The following PPM1E variants were observed in gnomAD, a reference collection of about 807,000 sequenced individuals.
PPM1E encodes protein phosphatase, Mg2+/Mn2+ dependent 1E.
Under a neutral mutation model 65.9 loss-of-function variants are expected in PPM1E, and 20 were observed. The observed-to-expected ratio is 0.30, with a 90% CI of 0.21 to 0.44. The LOEUF is 0.44. Among genes scored for constraint, PPM1E ranks in the 20% least tolerant of loss-of-function variants. The pLI, the probability that PPM1E is intolerant of heterozygous loss-of-function variation, is 1.00. For synonymous variants in PPM1E, 352 were observed against 374.9 expected (o/e 0.94, Z 0.70); for missense variants, 713 against 953.1 (o/e 0.75, Z 3.32).
chr17:58,775,811 G>A (rs1322070480), intron 1 of PPM1E, among the ~76,000 whole-genome samples: 1 of 150,128 alleles, frequency 6.7e-6, no homozygotes, highest in East Asian at 2.0e-4. Flanking sequence ...CTACTCGGGA[G>A]GCTGAGGCAG....
At chr17:58,918,805 C>CAAAAAAA (rs71143301) in intron 1 of PPM1E, among the ~76,000 whole-genome samples, 2 of 75,818 alleles carry the variant, frequency 2.6e-5, no homozygotes, top group East Asian at 4.7e-4. Context: ...GACTCCGTCT[C>CAAAAAAA]AAAAAAAAAA....
At chr17:58,768,897 G>A (rs1470818539) in intron 1 of PPM1E, among the ~76,000 whole-genome samples, 5 of 152,060 alleles carry the variant, frequency 3.3e-5, no homozygotes, top group Admixed American at 6.6e-5. Context: ...TTGGACTCCC[G>A]ACCTCAGGTG....
chr17:58,977,590 A>T (rs556095028), intron 6 of PPM1E, among the ~76,000 whole-genome samples: 3 of 152,256 alleles, frequency 2.0e-5, no homozygotes, highest in Non-Finnish European at 4.4e-5. Context: ...ATACTAACTC[A>T]GGTAATTATA....
chr17:58,814,115 A>C lies in PPM1E; in HGVS notation c.464+57654A>C, dbSNP rs1169582327. On this transcript the variant is annotated intron_variant, in intron 1 of 6. Transcript: ENST00000308249. ...TTCCAATAACATGCTAAAGAAGAAC[A>C]CAGGAAAAAGCAGTGAATATTGATT... 2.6e-5 allele frequency among the ~76,000 whole-genome samples: 4 copies of C among 152,240 alleles called. No homozygotes were observed. The East Asian group carries it at 7.7e-4, about 29-fold the overall frequency.
In PPM1E at chr17:58,972,121, A is replaced by T. The variant is rs752926395; in HGVS notation, c.973-11A>T. ...TTTCACTGAGTCTAGTTTTATTTAAACTGTTTTCAGAGCTTAAGATGTGGG... is the reference window on the plus strand; with the variant it reads ...TTTCACTGAGTCTAGTTTTATTTAATCTGTTTTCAGAGCTTAAGATGTGGG... On this transcript the variant is annotated splice_polypyrimidine_tract_variant and intron_variant, in intron 4 of 6. Coordinates refer to ENST00000308249, the MANE Select transcript of PPM1E (RefSeq NM_014906.5). 5.0e-6 allele frequency: 8 copies of T among 1,606,462 alleles called. No individual in the cohort carries two copies. The highest frequency in any genetic ancestry group is 6.0e-6 in the Non-Finnish European group (7 of 1,175,466).
chr17:58,851,788 A>G (rs1283181550), intron 1 of PPM1E, among the ~76,000 whole-genome samples: 3 of 152,138 alleles, frequency 2.0e-5, no homozygotes, highest in Non-Finnish European at 4.4e-5. Context: ...TGCTGGGAGA[A>G]CCACTACTCT....
At position 58,821,206 on chromosome 17, in the gene PPM1E, G is replaced by C. The variant is rs929740836; in HGVS notation, c.464+64745G>C. Reference sequence around the variant, plus strand: ...GCTCACTGCAAGCTCTGCCTCCCGGGTTCACGCCATTCTCCTGCCTCAGCC... The same window carrying C: ...GCTCACTGCAAGCTCTGCCTCCCGGCTTCACGCCATTCTCCTGCCTCAGCC... On this transcript the variant is annotated intron_variant, in intron 1 of 6. Coordinates refer to ENST00000308249, the MANE Select transcript of PPM1E (RefSeq NM_014906.5). Among the ~76,000 whole-genome samples the C allele has an allele frequency of 3.9e-5, 6 of 152,224 alleles. No homozygotes were observed. The South Asian group carries it at 6.2e-4, about 16-fold the overall frequency.
intron 1 of PPM1E, among the ~76,000 whole-genome samples, chr17:58,893,474 C>T (rs2051373514): frequency 6.6e-6 from 1 of 152,068 alleles, no homozygotes; most frequent in Non-Finnish European, 1.5e-5. Flanking sequence ...GTTGGCAGAA[C>T]CCAGAGGATT....
chr17:58,864,471 C>T (rs913752045), intron 1 of PPM1E, among the ~76,000 whole-genome samples: 10 of 149,290 alleles, frequency 6.7e-5, no homozygotes, highest in Non-Finnish European at 1.5e-5. Flanking sequence ...TGAAACCTGT[C>T]TGTAATAAAA....
chr17:58,918,389 T>G (rs921345594), intron 1 of PPM1E, among the ~76,000 whole-genome samples: 23 of 152,318 alleles, frequency 1.5e-4, no homozygotes, highest in Non-Finnish European at 3.1e-4. Context: ...TTGTGTCAAA[T>G]AGATTTCCTC....
intron 1 of PPM1E, among the ~76,000 whole-genome samples, chr17:58,917,301 G>A (rs1419090067): frequency 1.3e-5 from 2 of 150,528 alleles, no homozygotes; most frequent in African/African-American, 4.9e-5. Flanking sequence ...TTTTGTTTTG[G>A]TGAGGCCTAG....
intron 1 of PPM1E, among the ~76,000 whole-genome samples, chr17:58,834,926 G>C (rs1474211081): frequency 6.6e-6 from 1 of 151,852 alleles, no homozygotes. Context: ...AATCTGTTAG[G>C]ATTTTTATAG....
intron 4 of PPM1E, among the ~76,000 whole-genome samples, chr17:58,971,379 A>T (rs1598697049): frequency 6.6e-6 from 1 of 152,300 alleles, no homozygotes; most frequent in East Asian, 1.9e-4. Context: ...CCAGGTCCTT[A>T]GTAACAGAAA....
At chr17:58,911,216 A>G (rs2051624097) in intron 1 of PPM1E, among the ~76,000 whole-genome samples, 1 of 152,188 alleles carries the variant, frequency 6.6e-6, no homozygotes, top group Non-Finnish European at 1.5e-5. Flanking sequence ...TTAAGAATCT[A>G]AGAAGTATTG....
At chr17:58,960,668 G>A (rs957726915) in intron 2 of PPM1E, among the ~76,000 whole-genome samples, 37 of 151,340 alleles carry the variant, frequency 2.4e-4, no homozygotes, top group Admixed American at 2.1e-3. Context: ...CCAGCTACTC[G>A]GGAGGCTGAG....
At position 58,972,310 on chromosome 17, in the gene PPM1E, TA is replaced by T. The variant is rs745592924; in HGVS notation, c.1116+36del. The T allele has an allele frequency of 5.7e-6, 9 of 1,573,240 alleles. No individual in the cohort carries two copies. The South Asian group carries it at 9.3e-5, about 16-fold the overall frequency. Reference sequence around the variant, plus strand: ...GTCTGTTTTAATAGAGCCCATGCTCTAGTTATTAGTTTAGATTTTCTAGTTA... The same window carrying T: ...GTCTGTTTTAATAGAGCCCATGCTCTGTTATTAGTTTAGATTTTCTAGTTA... On this transcript the variant is annotated intron_variant, in intron 5 of 6. Coordinates refer to ENST00000308249, the MANE Select transcript of PPM1E (RefSeq NM_014906.5).
Position 58,908,371 on chromosome 17 carries a change from G to T in PPM1E, c.465-47278G>T, listed in dbSNP as rs547973639. ...TGGGATTACAGGCATGAGCCACCCGGCCTGTTGTTTTAATTTAATATTTTA... is the reference window on the plus strand; with the variant it reads ...TGGGATTACAGGCATGAGCCACCCGTCCTGTTGTTTTAATTTAATATTTTA... On this transcript the variant is annotated intron_variant, in intron 1 of 6. Transcript: ENST00000308249. Among the ~76,000 whole-genome samples, 3 of 151,730 alleles carry T rather than the reference G, an allele frequency of 2.0e-5. No homozygotes were observed. In the East Asian group the frequency reaches 5.8e-4, roughly 29 times the overall value.
intron 1 of PPM1E, among the ~76,000 whole-genome samples, chr17:58,901,957 C>A (rs918805387): frequency 6.6e-6 from 1 of 151,936 alleles, no homozygotes; most frequent in African/African-American, 2.4e-5. Context: ...GCCTGGGCAA[C>A]AAGAGTGAAA....
At chr17:58,781,835 A>G (rs139571718) in intron 1 of PPM1E, among the ~76,000 whole-genome samples, 46 of 152,134 alleles carry the variant, frequency 3.0e-4, no homozygotes, top group African/African-American at 1.0e-3. Context: ...GCAGTGAGCC[A>G]AGATCACGCC....
Sources: gnomAD v4.1 joint callset for allele counts (sites outside exome capture counted in the v4.1 genomes callset) on GRCh38, gnomAD v4.1.1 for gene constraint, MANE v1.5 for transcripts, NCBI Gene and HGNC (gene_info 2026-07-23, HGNC 2026-07-21) for gene names.